The following WTIP variants were observed in gnomAD, a reference collection of about 807,000 sequenced individuals.
WTIP encodes the protein WT1 interacting protein, also known as Wilms tumor protein 1-interacting protein.
Under a neutral mutation model 41.7 loss-of-function variants are expected in WTIP, and 23 were observed. The observed-to-expected ratio is 0.55, with a 90% CI of 0.40 to 0.78. The LOEUF is 0.78. Among genes scored for constraint, WTIP ranks in the 30% least tolerant of loss-of-function variants. WTIP has a pLI of 0.00. For synonymous variants in WTIP, 314 were observed against 269.9 expected (o/e 1.16, Z -1.60); for missense variants, 619 against 610.5 (o/e 1.01, Z -0.15).
In WTIP at chr19:34,493,299, G is replaced by A. The variant is rs768204085; in HGVS notation, c.874G>A (p.Val292Met). 3.7e-6 allele frequency: 6 copies of A among 1,613,412 alleles called. No individual in the cohort carries two copies. The highest frequency in any genetic ancestry group is 1.3e-5 in the African/African-American group (1 of 75,030). Residue 292 changes from valine to methionine, a missense_variant, in exon 4 of 8, where the codon GTG becomes ATG. By Grantham distance (21) the Val-to-Met change is conservative (BLOSUM62 1). Transcript: ENST00000590071. The surrounding 1 kb of genome is among the most constrained non-coding windows in gnomAD (Gnocchi z 4.1). ...GFQQTADKCS[V>M]CGHLIMEMIL... ...CCAGCAGACGGCCGACAAATGCAGC[G>A]TGTGTGGACATCTCATCATGGAAAT...
intron 1 of WTIP, among the ~76,000 whole-genome samples, chr19:34,483,116 C>CG (rs2075778609): frequency 6.7e-6 from 1 of 149,044 alleles, no homozygotes; most frequent in African/African-American, 2.5e-5. Flanking sequence ...GCGATCCTCT[C>CG]GCCTCAGCCT....
rs2075877355 is a variant in WTIP, at chr19:34,500,202, G to T, written c.1226G>T (p.Arg409Leu). ...YPLAGHLLCR[R>L]CHLRRLQPGP... ...CTGGCGGGCCACCTACTGTGTCGTC[G>T]TTGCCACCTGCGGCGCCTCCAACCT... The change falls in exon 8 of 8, where the codon CGT becomes CTT. Residue 409 changes from arginine to leucine, a missense_variant. By Grantham distance (102) the Arg-to-Leu change is moderately radical (BLOSUM62 -2). Around this residue, in one of 3 missense-constraint regions of WTIP, gnomAD observed 92 missense variants for 82.4 expected, o/e 1.12. Transcript: ENST00000590071. The T allele has an allele frequency of 3.1e-6, 5 of 1,605,496 alleles. No homozygotes were observed. The highest frequency in any genetic ancestry group is 4.2e-6 in the Non-Finnish European group (5 of 1,179,660).
intron 2 of WTIP, among the ~76,000 whole-genome samples, chr19:34,491,071 G>A (rs946877614): frequency 4.0e-5 from 6 of 151,318 alleles, no homozygotes; most frequent in East Asian, 2.0e-4. Flanking sequence ...CAAGTGATCC[G>A]CCTGCCTCGG....
intron 7 of WTIP, among the ~76,000 whole-genome samples, chr19:34,497,762 T>C (rs1433627995): frequency 6.6e-6 from 1 of 152,082 alleles, no homozygotes; most frequent in Admixed American, 6.5e-5. Flanking sequence ...ACCGATTGTG[T>C]CAGGGTACCC....
intron 1 of WTIP, among the ~76,000 whole-genome samples, chr19:34,484,075 C>G (rs955030963): frequency 2.0e-5 from 3 of 151,888 alleles, no homozygotes; most frequent in African/African-American, 7.3e-5. Flanking sequence ...TACAGGCATG[C>G]GCCACCACGC....
intron 1 of WTIP, among the ~76,000 whole-genome samples, chr19:34,490,111 G>C (rs1319134547): frequency 6.6e-6 from 1 of 152,194 alleles, no homozygotes; most frequent in Non-Finnish European, 1.5e-5. Context: ...TATCAGAACA[G>C]TTGTGATGGA....
chr19:34,482,165 A>C lies in WTIP; in HGVS notation c.191A>C (p.Asp64Ala), dbSNP rs970779260. ...KGSGGPEAGA[D>A]GLSRGERGPR... Reference sequence around the variant, plus strand: ...AGCGGCGGCCCCGAGGCCGGGGCGGACGGACTGAGCCGCGGGGAGCGGGGT... The same window carrying C: ...AGCGGCGGCCCCGAGGCCGGGGCGGCCGGACTGAGCCGCGGGGAGCGGGGT... The change falls in exon 1 of 8, where the codon GAC becomes GCC. Residue 64 changes from aspartate (D) to alanine (A), a missense_variant. Physicochemically the swap from Asp to Ala is moderately radical, Grantham distance 126. This residue lies in a region of WTIP where 363 missense variants were observed against 309.0 expected (regional missense o/e 1.17). Coordinates refer to ENST00000590071, the MANE Select transcript of WTIP (RefSeq NM_001080436.2). The C allele has an allele frequency of 9.3e-7, 1 of 1,081,004 alleles. No individual in the cohort carries two copies. Among genetic ancestry groups the C allele is most frequent in the Non-Finnish European group, 1.1e-6 (1 of 893,792 alleles). 67.0% of individuals were successfully genotyped at this position (1,081,004 alleles called of 1,614,324 possible). A position where few individuals can be genotyped will look rare whatever the true frequency, so the allele number is the denominator to read the frequency against.
intron 2 of WTIP, among the ~76,000 whole-genome samples, chr19:34,491,806 G>A (rs1258316402): frequency 4.0e-5 from 6 of 151,566 alleles, no homozygotes; most frequent in African/African-American, 1.2e-4. Context: ...CACCACGCCC[G>A]GCTAATTTTT....
chr19:34,504,449 TG>T lies in WTIP; in HGVS notation c.*4182del, dbSNP rs1342286912. ...TGTGTGTGTGTTGGCGTCGCCCTGATGGCCTCTTGGAGGGTCCTGGGGTGGG... is the reference window on the plus strand; with the variant it reads ...TGTGTGTGTGTTGGCGTCGCCCTGATGCCTCTTGGAGGGTCCTGGGGTGGG... On this transcript the variant is annotated 3_prime_UTR_variant, in exon 8 of 8. Coordinates refer to ENST00000590071, the MANE Select transcript of WTIP (RefSeq NM_001080436.2). The T allele has an allele frequency of 7.1e-6, 1 of 140,744 alleles. No homozygotes were observed. The highest frequency in any genetic ancestry group is 2.5e-5 in the African/African-American group (1 of 39,374). 8.7% of individuals were successfully genotyped at this position (140,744 alleles called of 1,614,324 possible).
intron 7 of WTIP, among the ~76,000 whole-genome samples, chr19:34,496,281 T>C (rs1466310489): frequency 6.6e-6 from 1 of 152,220 alleles, no homozygotes; most frequent in Non-Finnish European, 1.5e-5. Flanking sequence ...AGCTATCTTC[T>C]TATCTCAACC....
At position 34,490,360 on chromosome 19, in the gene WTIP, GCCTCT is replaced by G. The variant is rs766483161; in HGVS notation, c.668-7_668-3del. 5.0e-5 allele frequency: 80 copies of G among 1,613,188 alleles called. No individual in the cohort carries two copies. Among genetic ancestry groups the G allele is most frequent in the African/African-American group, 1.6e-4 (12 of 74,904 alleles). ...GTGGCGCTAACCCCTGCTCTCTCCT[GCCTCT>G]CCTCTCCTAGGCATTTGCATCAAGT... On this transcript the variant is annotated splice_polypyrimidine_tract_variant and intron_variant, in intron 1 of 7. Coordinates refer to ENST00000590071, the MANE Select transcript of WTIP (RefSeq NM_001080436.2).
intron 1 of WTIP, among the ~76,000 whole-genome samples, chr19:34,488,667 C>T (rs915697681): frequency 2.6e-5 from 4 of 151,986 alleles, no homozygotes; most frequent in East Asian, 2.0e-4. Flanking sequence ...GCACCCAGCC[C>T]GCTTCCTTAT....
At chr19:34,499,526 A>G (rs1380305095) in intron 7 of WTIP, among the ~76,000 whole-genome samples, 1 of 152,044 alleles carries the variant, frequency 6.6e-6, no homozygotes, top group Non-Finnish European at 1.5e-5. Flanking sequence ...ACAAACGAAT[A>G]AACAAAAAAC....
intron 2 of WTIP, among the ~76,000 whole-genome samples, chr19:34,492,089 T>C (rs375234787): frequency 6.7e-6 from 1 of 149,300 alleles, no homozygotes; most frequent in African/African-American, 2.5e-5. Context: ...CTTTAATGGC[T>C]GATCTTGTGT....
chr19:34,492,327 C>G (rs1331259577), intron 2 of WTIP, among the ~76,000 whole-genome samples: 4 of 148,490 alleles, frequency 2.7e-5, no homozygotes, highest in African/African-American at 9.9e-5. Context: ...GTTGCCCAGG[C>G]TGGTCTTGAA....
At chr19:34,487,852 A>G (rs894719163) in intron 1 of WTIP, among the ~76,000 whole-genome samples, 3 of 152,166 alleles carry the variant, frequency 2.0e-5, no homozygotes, top group Non-Finnish European at 2.9e-5. Context: ...TGACCCTGTA[A>G]AGGGGACACG....
chr19:34,488,752 C>A (rs2075810331), intron 1 of WTIP, among the ~76,000 whole-genome samples: 1 of 151,910 alleles, frequency 6.6e-6, no homozygotes, highest in Non-Finnish European at 1.5e-5. Context: ...AATCACACAT[C>A]CTTGGCCGGG....
intron 1 of WTIP, among the ~76,000 whole-genome samples, chr19:34,489,965 G>T (rs2075817295): frequency 6.6e-6 from 1 of 152,252 alleles, no homozygotes; most frequent in East Asian, 1.9e-4. Flanking sequence ...GTGGTTGGGT[G>T]CAGTGGCTCA....
Position 34,511,145 on chromosome 19 carries a change from A to G in WTIP, c.*10876A>G, listed in dbSNP as rs1158906302. On this transcript the variant is annotated 3_prime_UTR_variant, in exon 8 of 8. Transcript: ENST00000590071. ...TTGTTTTCATGCTGCTGATAAAGAC[A>G]TACCTGTGACTGGGAAGAAAAAGAG... 2.0e-5 allele frequency: 3 copies of G among 152,484 alleles called. No homozygotes were observed. Among genetic ancestry groups the G allele is most frequent in the Non-Finnish European group, 1.5e-5 (1 of 68,272 alleles). 9.4% of individuals were successfully genotyped at this position (152,484 alleles called of 1,614,324 possible).
Sources: allele counts gnomAD v4.1 joint callset (sites outside exome capture counted in the v4.1 genomes callset), GRCh38; gene constraint gnomAD v4.1.1; regional missense constraint gnomAD v4.1.1; non-coding constraint Gnocchi (gnomAD v3.1); transcripts MANE v1.5; gene names NCBI Gene and HGNC (gene_info 2026-07-23, HGNC 2026-07-21).